Variants in LUZP2 observed in about 807,000 individuals in gnomAD.
LUZP2 encodes leucine zipper protein 2.
LUZP2 carries 52 observed loss-of-function variants against 51.6 expected under a neutral mutation model. That is an observed-to-expected ratio of 1.01 (90% confidence interval 0.81 to 1.27). The LOEUF (loss-of-function observed/expected upper bound fraction) is 1.27, where lower values mean the gene tolerates loss of function less well. Ranked by LOEUF, LUZP2 falls within the 50% of genes most tolerant of loss-of-function variation. The pLI, the probability that LUZP2 is intolerant of heterozygous loss-of-function variation, is 0.00. For synonymous variants in LUZP2, 154 were observed against 137.3 expected, an observed-to-expected ratio of 1.12 and a Z score of -0.85; for missense variants, 436 against 395.4, an observed-to-expected ratio of 1.10 and a Z score of -0.87.
At chr11:24,892,893 A>T (rs188817240) in intron 5 of LUZP2, 30 of 152,300 alleles carry the variant, frequency 2.0e-4, no homozygotes, top group African/African-American at 6.0e-4. Context: ...ACACTAAATG[A>T]TGTTTTGCAA....
chr11:24,548,120 G>A lies in LUZP2; in HGVS notation c.62+50815G>A, dbSNP rs574346809. ...GCTGGTGGAAATGTAAATTAGTTCAGCCACTGTGAAAAGCAGCCTGGAGAT... is the reference window on the plus strand; with the variant it reads ...GCTGGTGGAAATGTAAATTAGTTCAACCACTGTGAAAAGCAGCCTGGAGAT... On this transcript the variant is annotated intron_variant, in intron 1 of 11. Transcript: ENST00000336930. Among the ~76,000 whole-genome samples the A allele has an allele frequency of 2.5e-3, 381 of 152,184 alleles. 3 individuals carry two copies. The highest frequency in any genetic ancestry group is 2.3e-3 in the Non-Finnish European group (159 of 68,000).
intron 1 of LUZP2, among the ~76,000 whole-genome samples, chr11:24,515,348 C>T (rs1461165197): frequency 2.0e-5 from 3 of 149,256 alleles, no homozygotes; most frequent in Non-Finnish European, 4.4e-5. Context: ...CTGTAAATGA[C>T]ACTTTTTACA....
chr11:24,889,632 A>G (rs1216628261), intron 5 of LUZP2, among the ~76,000 whole-genome samples: 1 of 152,192 alleles, frequency 6.6e-6, no homozygotes, highest in African/African-American at 2.4e-5. Flanking sequence ...GAATCTCAGT[A>G]TGGTCTTTGA....
At chr11:24,601,004 T>C (rs1853615817) in intron 1 of LUZP2, among the ~76,000 whole-genome samples, 1 of 152,110 alleles carries the variant, frequency 6.6e-6, no homozygotes, top group Non-Finnish European at 1.5e-5. Flanking sequence ...AAGAAAGATA[T>C]TATTTAGATG....
At chr11:24,630,599 A>G (rs935188998) in intron 1 of LUZP2, among the ~76,000 whole-genome samples, 5 of 151,292 alleles carry the variant, frequency 3.3e-5, no homozygotes, top group Admixed American at 6.6e-5. Flanking sequence ...TAGCCTTGTA[A>G]CATAATTTGA....
intron 5 of LUZP2, among the ~76,000 whole-genome samples, chr11:24,815,284 T>G (rs371044180): frequency 5.9e-5 from 9 of 152,220 alleles, no homozygotes; most frequent in African/African-American, 2.2e-4. Flanking sequence ...GAATCATCTA[T>G]GTTAATTCTT....
intron 9 of LUZP2, among the ~76,000 whole-genome samples, chr11:24,998,662 A>G (rs1261319607): frequency 6.6e-6 from 1 of 152,196 alleles, no homozygotes; most frequent in Non-Finnish European, 1.5e-5. Context: ...ATATTTCACA[A>G]GAGTTAGTAG....
intron 1 of LUZP2, among the ~76,000 whole-genome samples, chr11:24,604,015 T>C (rs1048655125): frequency 2.0e-5 from 3 of 151,860 alleles, no homozygotes; most frequent in Non-Finnish European, 4.4e-5. Context: ...ATTGTGGGCA[T>C]AAATTTAGAT....
chr11:24,761,281 C>G (rs1590469486), intron 4 of LUZP2, among the ~76,000 whole-genome samples: 1 of 152,144 alleles, frequency 6.6e-6, no homozygotes, highest in East Asian at 1.9e-4. Context: ...AGGAGGAAGA[C>G]AGAGAAGGGG....
At chr11:24,926,667 ATG>A (rs34450333) in intron 7 of LUZP2, among the ~76,000 whole-genome samples, 59 of 146,154 alleles carry the variant, frequency 4.0e-4, no homozygotes, top group Non-Finnish European at 6.3e-4. Context: ...GTATATATAT[ATG>A]TGTGTGTGTG....
chr11:24,672,757 C>T (rs771642531), intron 1 of LUZP2, among the ~76,000 whole-genome samples: 2 of 152,178 alleles, frequency 1.3e-5, no homozygotes, highest in Non-Finnish European at 2.9e-5. Flanking sequence ...TATGGTATAT[C>T]CTATGCCTCC....
chr11:25,041,765 C>A (rs1046961479), intron 9 of LUZP2, among the ~76,000 whole-genome samples: 1 of 152,156 alleles, frequency 6.6e-6, no homozygotes, highest in Non-Finnish European at 1.5e-5. Context: ...GGTCCCCAGC[C>A]ATGGACCAGT....
intron 7 of LUZP2, among the ~76,000 whole-genome samples, chr11:24,971,612 C>T (rs1213097840): frequency 1.3e-5 from 2 of 151,942 alleles, no homozygotes; most frequent in Non-Finnish European, 2.9e-5. Flanking sequence ...AATCTGCACA[C>T]GTACGCCCTG....
chr11:24,586,505 C>G (rs932529457), intron 1 of LUZP2, among the ~76,000 whole-genome samples: 7 of 132,398 alleles, frequency 5.3e-5, no homozygotes, highest in African/African-American at 1.7e-4. Context: ...CAGATCACCT[C>G]CCAATCAACT....
intron 5 of LUZP2, among the ~76,000 whole-genome samples, chr11:24,900,997 TC>T (rs1853262569): frequency 6.6e-6 from 1 of 152,138 alleles, no homozygotes. Context: ...TCTCAACTAA[TC>T]AAAACTTCTG....
chr11:24,693,109 T>C (rs1431056233), intron 1 of LUZP2, among the ~76,000 whole-genome samples: 1 of 151,938 alleles, frequency 6.6e-6, no homozygotes, highest in Non-Finnish European at 1.5e-5. Flanking sequence ...TGGCTTTCTC[T>C]TATTTAGTAT....
At chr11:24,647,756 C>T (rs901275142) in intron 1 of LUZP2, among the ~76,000 whole-genome samples, 8 of 151,776 alleles carry the variant, frequency 5.3e-5, no homozygotes, top group Non-Finnish European at 7.4e-5. Context: ...CTGAAATACT[C>T]GATTTTTTAA....
At chr11:24,650,028 T>C (rs1159060036) in intron 1 of LUZP2, among the ~76,000 whole-genome samples, 3 of 151,170 alleles carry the variant, frequency 2.0e-5, no homozygotes, top group Non-Finnish European at 3.0e-5. Flanking sequence ...TGATGTTTTC[T>C]TACTTCTGCT....
chr11:24,898,517 G>A (rs908809974), intron 5 of LUZP2, among the ~76,000 whole-genome samples: 1 of 152,146 alleles, frequency 6.6e-6, no homozygotes, highest in South Asian at 2.1e-4. Flanking sequence ...CCGCTACGCG[G>A]GAGCCTGAGG....
Sources: gnomAD v4.1 joint callset for allele counts (sites outside exome capture counted in the v4.1 genomes callset) on GRCh38, gnomAD v4.1.1 for gene constraint, MANE v1.5 for transcripts, NCBI Gene and HGNC (gene_info 2026-07-23, HGNC 2026-07-21) for gene names.